KCND2: variants seen among roughly 807,000 people sequenced by gnomAD.
KCND2 encodes A-type voltage-gated potassium channel KCND2.
KCND2 carries 16 observed loss-of-function variants against 54.4 expected under a neutral mutation model. The observed-to-expected ratio is 0.29, with a 90% CI of 0.20 to 0.45. The LOEUF is 0.45. KCND2 is among the 20% of genes least tolerant of loss of function. The probability of loss-of-function intolerance (pLI) is 1.00; values close to 1 mark genes in which losing one functional copy is unlikely to be tolerated. For synonymous variants in KCND2, 317 were observed against 310.7 expected (o/e 1.02, Z -0.21); for missense variants, 486 against 824.2 (o/e 0.59, Z 5.02).
chr7:120,491,579 TAC>T (rs1312958253), intron 1 of KCND2, among the ~76,000 whole-genome samples: 1 of 152,078 alleles, frequency 6.6e-6, no homozygotes, highest in Non-Finnish European at 1.5e-5. Context: ...GCAAATTCTG[TAC>T]AGAGAATCAC....
At chr7:120,392,887 C>T (rs537852201) in intron 1 of KCND2, among the ~76,000 whole-genome samples, 5 of 152,056 alleles carry the variant, frequency 3.3e-5, no homozygotes, top group African/African-American at 1.2e-4. Context: ...CTAAACTATC[C>T]ACCAATCACT....
intron 1 of KCND2, among the ~76,000 whole-genome samples, chr7:120,456,375 G>A (rs1802201871): frequency 6.6e-6 from 1 of 152,044 alleles, no homozygotes; most frequent in Admixed American, 6.6e-5. Context: ...TGGCTGTCAA[G>A]GTATGTTCTT....
intron 1 of KCND2, among the ~76,000 whole-genome samples, chr7:120,619,296 A>G (rs7791140): frequency 0.35 from 53,955 of 152,064 alleles, 14,022 homozygotes; most frequent in African/African-American, 0.73. Flanking sequence ...GGGACATGGT[A>G]GCATGCATCT....
At chr7:120,356,274 A>G (rs1563020289) in intron 1 of KCND2, among the ~76,000 whole-genome samples, 1 of 74,500 alleles carries the variant, frequency 1.3e-5, no homozygotes, top group African/African-American at 2.6e-5. Flanking sequence ...TATAATTACA[A>G]CATTTTTTAC....
chr7:120,704,481 C>T (rs1286886409), intron 1 of KCND2, among the ~76,000 whole-genome samples: 3 of 152,056 alleles, frequency 2.0e-5, no homozygotes, highest in Non-Finnish European at 4.4e-5. Flanking sequence ...AAAGGCAATT[C>T]CTGCTCAGTG....
At chr7:120,287,183 C>A (rs1799358043) in intron 1 of KCND2, among the ~76,000 whole-genome samples, 1 of 151,784 alleles carries the variant, frequency 6.6e-6, no homozygotes, top group Non-Finnish European at 1.5e-5. Flanking sequence ...TTGGGCTATA[C>A]CATATACAAA....
intron 1 of KCND2, among the ~76,000 whole-genome samples, chr7:120,404,999 A>G (rs1196306392): frequency 1.3e-5 from 2 of 152,176 alleles, no homozygotes; most frequent in African/African-American, 4.8e-5. Flanking sequence ...TCCCTTTGGG[A>G]ATGAATTTAA....
At chr7:120,599,894 T>C (rs1015432964) in intron 1 of KCND2, among the ~76,000 whole-genome samples, 6 of 152,050 alleles carry the variant, frequency 3.9e-5, no homozygotes, top group East Asian at 3.8e-4. Flanking sequence ...AACATGTTTT[T>C]CTTTCACAGT....
At chr7:120,544,608 T>A (rs887791023) in intron 1 of KCND2, among the ~76,000 whole-genome samples, 1 of 151,952 alleles carries the variant, frequency 6.6e-6, no homozygotes, top group South Asian at 2.1e-4. Context: ...GGCCTTGCAA[T>A]TGGTTGATTC....
chr7:120,497,165 TG>T (rs1484014298), intron 1 of KCND2, among the ~76,000 whole-genome samples: 1 of 152,224 alleles, frequency 6.6e-6, no homozygotes, highest in Non-Finnish European at 1.5e-5. Flanking sequence ...TAAAGGATAT[TG>T]GTAACATTTA....
chr7:120,622,025 CTT>C (rs1001064433), intron 1 of KCND2, among the ~76,000 whole-genome samples: 9 of 151,434 alleles, frequency 5.9e-5, no homozygotes, highest in Non-Finnish European at 8.8e-5. Context: ...CTCAAAGACT[CTT>C]TTCTTTTTTC....
chr7:120,313,094 C>T (rs920472733), intron 1 of KCND2, among the ~76,000 whole-genome samples: 8 of 152,132 alleles, frequency 5.3e-5, no homozygotes, highest in African/African-American at 1.7e-4. Context: ...AACCCCATGG[C>T]GCCCATGGGG....
At chr7:120,287,803 C>G (rs1020916209) in intron 1 of KCND2, among the ~76,000 whole-genome samples, 5 of 151,992 alleles carry the variant, frequency 3.3e-5, no homozygotes, top group Non-Finnish European at 7.4e-5. Flanking sequence ...GAGATTGCGC[C>G]CCACACTCCA....
chr7:120,526,623 A>G (rs955312479), intron 1 of KCND2, among the ~76,000 whole-genome samples: 1 of 152,172 alleles, frequency 6.6e-6, no homozygotes, highest in Admixed American at 6.6e-5. Context: ...TATGTTGCCA[A>G]TAAACAATAA....
At chr7:120,714,869 T>C (rs1485710765) in intron 1 of KCND2, among the ~76,000 whole-genome samples, 2 of 151,944 alleles carry the variant, frequency 1.3e-5, no homozygotes, top group Non-Finnish European at 2.9e-5. Flanking sequence ...TATATATATA[T>C]ATAATACCCA....
At chr7:120,589,041 C>G (rs1792636923) in intron 1 of KCND2, among the ~76,000 whole-genome samples, 1 of 152,154 alleles carries the variant, frequency 6.6e-6, no homozygotes, top group South Asian at 2.1e-4. Context: ...AAAGATTTTT[C>G]TGAGGACACA....
At chr7:120,617,040 C>G (rs1009573552) in intron 1 of KCND2, among the ~76,000 whole-genome samples, 1 of 152,116 alleles carries the variant, frequency 6.6e-6, no homozygotes, top group Non-Finnish European at 1.5e-5. Context: ...TGTGTATTAA[C>G]CCCATCAGTA....
chr7:120,649,746 G>T (rs867957504), intron 1 of KCND2, among the ~76,000 whole-genome samples: 7 of 152,114 alleles, frequency 4.6e-5, no homozygotes, highest in Admixed American at 1.3e-4. Flanking sequence ...TTTTACAGTG[G>T]CTGGTACCAG....
intron 1 of KCND2, among the ~76,000 whole-genome samples, chr7:120,591,868 G>A (rs377572707): frequency 1.5e-4 from 23 of 152,248 alleles, no homozygotes; most frequent in Non-Finnish European, 2.5e-4. Flanking sequence ...TTCCTTCGAC[G>A]TAATAGATGT....
Sources: allele counts gnomAD v4.1 joint callset (sites outside exome capture counted in the v4.1 genomes callset), GRCh38; gene constraint gnomAD v4.1.1; transcripts MANE v1.5; gene names NCBI Gene and HGNC (gene_info 2026-07-23, HGNC 2026-07-21).